The following MTPAP variants were observed in gnomAD, a reference collection of about 807,000 sequenced individuals.
MTPAP encodes the protein poly(A) RNA polymerase, mitochondrial.
Under a neutral mutation model 48.7 loss-of-function variants are expected in MTPAP, and 23 were observed. That is an observed-to-expected ratio of 0.47 (90% CI 0.34 to 0.67). The LOEUF is 0.67. MTPAP is among the 30% of genes least tolerant of loss of function. The pLI, the probability that MTPAP is intolerant of heterozygous loss-of-function variation, is 0.01. For missense variants in MTPAP, 614 were observed against 694.3 expected (o/e 0.88, Z 1.30); for synonymous variants, 257 against 254.1 (o/e 1.01, Z -0.11).
intron 5 of MTPAP, among the ~76,000 whole-genome samples, chr10:30,324,537 G>A (rs890023256): frequency 2.6e-5 from 4 of 152,060 alleles, no homozygotes; most frequent in East Asian, 3.9e-4. Flanking sequence ...CTGGGCAACA[G>A]AGAGAGACAC....
At position 30,337,281 on chromosome 10, in the gene MTPAP, G is replaced by A. The variant is rs146014073; in HGVS notation, c.556-254C>T. Reference sequence around the variant, plus strand: ...CTCTACTAAAAATACAAAATAAGCCGGGCGTGGTGGCGCATACCTGTAATC... The same window carrying A: ...CTCTACTAAAAATACAAAATAAGCCAGGCGTGGTGGCGCATACCTGTAATC... On this transcript the variant is annotated intron_variant, in intron 3 of 8. Transcript: ENST00000263063. 4.6e-3 allele frequency among the ~76,000 whole-genome samples: 701 copies of A among 152,058 alleles called. 1 individual carries two copies. Among genetic ancestry groups the A allele is most frequent in the African/African-American group, 0.015 (620 of 41,480 alleles).
chr10:30,341,874 T>G (rs545739057), intron 1 of MTPAP, among the ~76,000 whole-genome samples: 21 of 152,320 alleles, frequency 1.4e-4, no homozygotes, highest in African/African-American at 5.1e-4. Context: ...AAGCCCTATA[T>G]ATACAATGTT....
chr10:30,340,296 C>A lies in MTPAP; in HGVS notation c.485G>T (p.Arg162Leu), dbSNP rs138262385. 1 of 1,614,018 alleles carries A rather than the reference C, an allele frequency of 6.2e-7. No individual in the cohort carries two copies. The highest frequency in any genetic ancestry group is 1.7e-5 in the Admixed American group (1 of 59,996). The change falls in exon 3 of 9, where the codon CGC becomes CTC. Residue 162 changes from arginine to leucine, a missense_variant. Arg to Leu is a moderately radical substitution (Grantham distance 102). Transcript: ENST00000263063. ...TGGCAACTGATTACTTGACCGTACG[C>A]GTGACCGTTCAGAAGTCTGGTTTTT... ...KLKNQTSERSRVRSSNQLPRS... is the reference protein window; with the variant it reads ...KLKNQTSERSLVRSSNQLPRS...
intron 6 of MTPAP, among the ~76,000 whole-genome samples, chr10:30,321,837 G>A (rs1303497445): frequency 6.6e-6 from 1 of 152,098 alleles, no homozygotes; most frequent in East Asian, 1.9e-4. Context: ...TCTCCAGCAG[G>A]CCTCAGCAAG....
At chr10:30,314,610 T>TA (rs1840637995) in intron 8 of MTPAP, among the ~76,000 whole-genome samples, 1 of 151,992 alleles carries the variant, frequency 6.6e-6, no homozygotes, top group Non-Finnish European at 1.5e-5. Flanking sequence ...ATAAAAAAGA[T>TA]AACTGTAATC....
intron 5 of MTPAP, 67 bp downstream of exon 5, chr10:30,326,357 T>C: frequency 7.2e-7 from 1 of 1,387,588 alleles, no homozygotes; most frequent in Admixed American, 1.8e-5. Context: ...ACTGTTTCTG[T>C]GTGAGAAACA....
At chr10:30,318,938 C>T (rs561440981) in intron 6 of MTPAP, among the ~76,000 whole-genome samples, 1 of 152,164 alleles carries the variant, frequency 6.6e-6, no homozygotes, top group Admixed American at 6.6e-5. Context: ...TGGAAACCAA[C>T]AAAGCACTAC....
intron 1 of MTPAP, among the ~76,000 whole-genome samples, chr10:30,345,264 T>C (rs1332561709): frequency 6.6e-6 from 1 of 152,250 alleles, no homozygotes; most frequent in Non-Finnish European, 1.5e-5. Flanking sequence ...ATTTACTTTA[T>C]TTCTTTTAAA....
At chr10:30,327,203 AC>A (rs1834607953) in intron 4 of MTPAP, among the ~76,000 whole-genome samples, 1 of 151,822 alleles carries the variant, frequency 6.6e-6, no homozygotes, top group Non-Finnish European at 1.5e-5. Flanking sequence ...TAATACTAAA[AC>A]TCGCCGGGTG....
chr10:30,313,666 G>A lies in MTPAP; in HGVS notation c.1692C>T (p.Asn564=), dbSNP rs776357935. The A allele has an allele frequency of 2.5e-6, 4 of 1,614,070 alleles. No individual in the cohort carries two copies. The highest frequency in any genetic ancestry group is 2.5e-6 in the Non-Finnish European group (3 of 1,179,920). The change falls in exon 9 of 9, where the codon AAC becomes AAT. Residue 564 remains asparagine, a synonymous_variant. Transcript: ENST00000263063. ...VKNLLESLKG[N]RTENFTKTSG... ...TGGTTTTTGTGAAATTTTCTGTTCT[G>A]TTACCTTTTAAAGATTCTAGCAAGT...
At chr10:30,326,116 A>C (rs960580148) in intron 5 of MTPAP, among the ~76,000 whole-genome samples, 2 of 152,140 alleles carry the variant, frequency 1.3e-5, no homozygotes, top group Non-Finnish European at 2.9e-5. Flanking sequence ...TTTCTCCTAA[A>C]AAATAGGCAT....
intron 6 of MTPAP, among the ~76,000 whole-genome samples, chr10:30,320,999 T>C (rs1840719236): frequency 1.3e-5 from 2 of 152,206 alleles, no homozygotes; most frequent in South Asian, 4.1e-4. Flanking sequence ...CCATATCTTA[T>C]GTATGGCTTA....
At position 30,349,147 on chromosome 10, in the gene MTPAP, G is replaced by A. The variant is rs760486932; in HGVS notation, c.129C>T (p.Asp43=). ...PGTVAKDLRR[D]EQPSGSVETG... ...TCTCCACGCTCCCTGAAGGCTGCTCGTCTCTCCTAAGGTCTTTGGCCACAG... is the reference window on the plus strand; with the variant it reads ...TCTCCACGCTCCCTGAAGGCTGCTCATCTCTCCTAAGGTCTTTGGCCACAG... Residue 43 remains aspartate (D), a synonymous_variant, in exon 1 of 9, where the codon GAC becomes GAT. Coordinates refer to ENST00000263063, the MANE Select transcript of MTPAP (RefSeq NM_018109.4). 6.2e-7 allele frequency: 1 copy of A among 1,613,792 alleles called. No individual in the cohort carries two copies.
At chr10:30,347,220 G>A (rs1052285415) in intron 1 of MTPAP, among the ~76,000 whole-genome samples, 1 of 152,170 alleles carries the variant, frequency 6.6e-6, no homozygotes, top group South Asian at 2.1e-4. Context: ...CTGGAAATGG[G>A]AAATTAACAG....
intron 1 of MTPAP, among the ~76,000 whole-genome samples, chr10:30,342,782 T>A (rs550949219): frequency 6.6e-6 from 1 of 152,258 alleles, no homozygotes; most frequent in South Asian, 2.1e-4. Context: ...CCAACTATCA[T>A]GCGCTCTGTA....
intron 6 of MTPAP, 72 bp downstream of exon 6, chr10:30,322,319 G>T: frequency 1.6e-6 from 2 of 1,241,060 alleles, no homozygotes; most frequent in African/African-American, 1.5e-5. Context: ...ACGGGACTTT[G>T]GTAACACATG....
intron 1 of MTPAP, among the ~76,000 whole-genome samples, chr10:30,345,729 G>A (rs909497282): frequency 3.3e-5 from 5 of 152,054 alleles, no homozygotes; most frequent in African/African-American, 1.2e-4. Context: ...AATACAATAT[G>A]GTAAGCACAA....
chr10:30,330,600 C>T lies in MTPAP; in HGVS notation c.781-3965G>A, dbSNP rs78200993. On this transcript the variant is annotated intron_variant, in intron 4 of 8. Transcript: ENST00000263063. ...AATAGCTCTGATTAATGGAACTGGG[C>T]GCAGGAAAGTGGTGAACTGTGAACC... Among the ~76,000 whole-genome samples the T allele has an allele frequency of 3.8e-3, 585 of 152,148 alleles. 1 individual carries two copies. Among genetic ancestry groups the T allele is most frequent in the African/African-American group, 0.013 (552 of 41,484 alleles).
At chr10:30,342,362 A>G (rs577911452) in intron 1 of MTPAP, among the ~76,000 whole-genome samples, 171 of 152,312 alleles carry the variant, frequency 1.1e-3, no homozygotes, top group African/African-American at 3.7e-3. Context: ...GTGCTCACCT[A>G]TTTGTGGACC....
Sources: gnomAD v4.1 joint callset for allele counts (sites outside exome capture counted in the v4.1 genomes callset) on GRCh38, gnomAD v4.1.1 for gene constraint, MANE v1.5 for transcripts, NCBI Gene and HGNC (gene_info 2026-07-23, HGNC 2026-07-21) for gene names.